CERS6: variants seen among roughly 807,000 people sequenced by gnomAD.
CERS6 encodes the protein LAG1 homolog, ceramide synthase 6.
A neutral mutation model predicts 56.8 loss-of-function variants in CERS6; 26 were observed. The ratio of observed to expected loss-of-function variants is 0.46; its 90% CI spans 0.34 to 0.63. The LOEUF (loss-of-function observed/expected upper bound fraction) is 0.63. Ranked by LOEUF, CERS6 falls within the 30% of genes least tolerant of loss-of-function variation. CERS6 has a pLI of 0.01. For synonymous variants in CERS6, 164 were observed against 173.3 expected, an observed-to-expected ratio of 0.95 and a Z score of 0.42; for missense variants, 415 against 467.5, an observed-to-expected ratio of 0.89 and a Z score of 1.04.
At chr2:168,561,367 A>T in intron 3 of CERS6, 45 bp downstream of exon 3, 1 of 1,610,576 alleles carries the variant, frequency 6.2e-7, no homozygotes, top group South Asian at 1.1e-5. Flanking sequence ...CTAAGTACTC[A>T]TGCCAACCCT....
intron 1 of CERS6, among the ~76,000 whole-genome samples, chr2:168,476,610 T>C (rs1166873707): frequency 6.6e-6 from 1 of 152,112 alleles, no homozygotes; most frequent in Non-Finnish European, 1.5e-5. Context: ...GCAGCATCAG[T>C]ACCTTGGCTC....
chr2:168,690,346 C>T (rs998060328), intron 4 of CERS6, among the ~76,000 whole-genome samples: 3 of 152,188 alleles, frequency 2.0e-5, no homozygotes, highest in East Asian at 1.9e-4. Flanking sequence ...TTGGATAATT[C>T]GGCTGTCTGC....
chr2:168,643,069 T>C (rs974543474), intron 4 of CERS6, among the ~76,000 whole-genome samples: 1 of 152,254 alleles, frequency 6.6e-6, no homozygotes, highest in African/African-American at 2.4e-5. Context: ...TATACCGCAG[T>C]GTTCTGCCCA....
intron 1 of CERS6, among the ~76,000 whole-genome samples, chr2:168,503,128 C>G (rs1328469897): frequency 6.6e-6 from 1 of 152,092 alleles, no homozygotes; most frequent in Non-Finnish European, 1.5e-5. Flanking sequence ...ATAAGAGGCT[C>G]TTTCTCCTTT....
chr2:168,559,755 T>TATATATATAGATATATA (rs1412617679), intron 2 of CERS6, among the ~76,000 whole-genome samples: 1 of 14,776 alleles, frequency 6.8e-5, no homozygotes, highest in Non-Finnish European at 1.6e-4. Context: ...ATATATATAT[T>TATATATATAGATATATA]TCACCCTTAT....
intron 4 of CERS6, among the ~76,000 whole-genome samples, chr2:168,631,544 T>TTA (rs1491128569): frequency 1.6e-5 from 1 of 61,908 alleles, no homozygotes. Flanking sequence ...ATTAAATATA[T>TTA]TATATTTTTA....
rs185018520 is a variant in CERS6, at chr2:168,704,894, G to A, written c.609+9843G>A. Among the ~76,000 whole-genome samples the A allele has an allele frequency of 1.1e-3, 173 of 152,258 alleles. 1 individual carries two copies. Among genetic ancestry groups the A allele is most frequent in the Non-Finnish European group, 1.5e-3 (105 of 68,020 alleles). On this transcript the variant is annotated intron_variant, in intron 6 of 9. Coordinates refer to ENST00000305747, the MANE Select transcript of CERS6 (RefSeq NM_203463.3). ...ATTACAGGCGTGAGCCTCCGCACCC[G>A]GCCGCACCTTTGTTCTTGATCCCCA...
Position 168,624,473 on chromosome 2 carries a change from C to A in CERS6, c.408-6512C>A, listed in dbSNP as rs950908791. On this transcript the variant is annotated intron_variant, in intron 3 of 9. Coordinates refer to ENST00000305747, the MANE Select transcript of CERS6 (RefSeq NM_203463.3). Reference sequence around the variant, plus strand: ...TAGTACGATGGGAATGATAGTGGCACAGTGTATCTATCCCACAGGGTTCTT... The same window carrying A: ...TAGTACGATGGGAATGATAGTGGCAAAGTGTATCTATCCCACAGGGTTCTT... 2.2e-4 allele frequency among the ~76,000 whole-genome samples: 33 copies of A among 152,222 alleles called. 1 individual carries two copies. Among genetic ancestry groups the A allele is most frequent in the African/African-American group, 7.7e-4 (32 of 41,538 alleles).
intron 8 of CERS6, among the ~76,000 whole-genome samples, chr2:168,744,667 A>G (rs754871720): frequency 6.6e-6 from 1 of 152,220 alleles, no homozygotes; most frequent in Non-Finnish European, 1.5e-5. Context: ...GAGGAGGACA[A>G]AATTTAAAAC....
At chr2:168,765,230 A>C (rs1410985109) in intron 8 of CERS6, among the ~76,000 whole-genome samples, 2 of 152,142 alleles carry the variant, frequency 1.3e-5, no homozygotes, top group Non-Finnish European at 2.9e-5. Flanking sequence ...GAAAGATGAA[A>C]AGTGTGCTGA....
chr2:168,578,892 G>A (rs1019338711), intron 3 of CERS6, among the ~76,000 whole-genome samples: 3 of 151,996 alleles, frequency 2.0e-5, no homozygotes, highest in African/African-American at 7.3e-5. Flanking sequence ...ATTATTAAAT[G>A]TCTCTGTTTA....
At position 168,507,272 on chromosome 2, in the gene CERS6, G is replaced by A. The variant is rs114661828; in HGVS notation, c.171-40324G>A. On this transcript the variant is annotated intron_variant, in intron 1 of 9. Transcript: ENST00000305747. Reference sequence around the variant, plus strand: ...GTCATCATTGTGAACTCAAAAATAGGCCTTTTTCCTATCTTGTCCAGGATC... The same window carrying A: ...GTCATCATTGTGAACTCAAAAATAGACCTTTTTCCTATCTTGTCCAGGATC... Among the ~76,000 whole-genome samples the A allele has an allele frequency of 3.4e-3, 521 of 152,192 alleles. 2 individuals carry two copies. Among genetic ancestry groups the A allele is most frequent in the African/African-American group, 0.012 (484 of 41,508 alleles).
chr2:168,598,464 T>C (rs1165529227), intron 3 of CERS6, among the ~76,000 whole-genome samples: 1 of 152,048 alleles, frequency 6.6e-6, no homozygotes, highest in Non-Finnish European at 1.5e-5. Flanking sequence ...CTATATATTT[T>C]TGATGGTAAA....
intron 4 of CERS6, among the ~76,000 whole-genome samples, chr2:168,670,615 A>G (rs956501701): frequency 2.6e-5 from 4 of 152,310 alleles, no homozygotes; most frequent in South Asian, 2.1e-4. Flanking sequence ...AGAAAACGAC[A>G]TAGTCAAAAC....
intron 8 of CERS6, among the ~76,000 whole-genome samples, chr2:168,719,762 A>C (rs572063931): frequency 1.3e-5 from 2 of 152,274 alleles, no homozygotes; most frequent in South Asian, 2.1e-4. Flanking sequence ...GCTCCTCCAG[A>C]CTTCTCTTCC....
intron 1 of CERS6, among the ~76,000 whole-genome samples, chr2:168,518,842 T>A (rs570678166): frequency 8.5e-5 from 13 of 152,308 alleles, no homozygotes; most frequent in African/African-American, 3.1e-4. Context: ...TGGGTGCATC[T>A]CTGAGGCTGA....
intron 1 of CERS6, among the ~76,000 whole-genome samples, chr2:168,477,778 A>G (rs1037475311): frequency 1.3e-5 from 2 of 152,234 alleles, no homozygotes; most frequent in Non-Finnish European, 2.9e-5. Flanking sequence ...TTCTAACAGT[A>G]TGATTGAACT....
chr2:168,664,518 C>A (rs1049884156), intron 4 of CERS6, among the ~76,000 whole-genome samples: 19 of 152,308 alleles, frequency 1.2e-4, no homozygotes, highest in South Asian at 8.3e-4. Flanking sequence ...AATGGCTACT[C>A]CATAGACAGA....
chr2:168,622,545 A>G (rs1156385156), intron 3 of CERS6, among the ~76,000 whole-genome samples: 1 of 152,240 alleles, frequency 6.6e-6, no homozygotes, highest in African/African-American at 2.4e-5. Flanking sequence ...GACTTTCCAT[A>G]ACTGCCTAAT....
Sources: gnomAD v4.1 joint callset for allele counts (sites outside exome capture counted in the v4.1 genomes callset) on GRCh38, gnomAD v4.1.1 for gene constraint, MANE v1.5 for transcripts, NCBI Gene and HGNC (gene_info 2026-07-23, HGNC 2026-07-21) for gene names.